TADA2A: variants seen among roughly 807,000 people sequenced by gnomAD.
TADA2A encodes transcriptional adaptor 2A, also known as transcriptional adapter 2-alpha.
Under a neutral mutation model 67.4 loss-of-function variants are expected in TADA2A, and 38 were observed. The observed-to-expected ratio is 0.56, with a 90% CI of 0.44 to 0.74. The LOEUF (loss-of-function observed/expected upper bound fraction) is 0.74. Ranked by LOEUF, TADA2A falls within the 30% of genes least tolerant of loss-of-function variation. TADA2A has a pLI of 0.00. For missense variants in TADA2A, 454 were observed against 547.0 expected (o/e 0.83, Z 1.70); for synonymous variants, 192 against 181.6 (o/e 1.06, Z -0.46).
chr17:37,422,484 T>TGATGATGATG (rs2052270998), intron 2 of TADA2A, among the ~76,000 whole-genome samples: 108 of 85,654 alleles, frequency 1.3e-3, no homozygotes, highest in African/African-American at 4.4e-3. Context: ...CCCAGCTGAT[T>TGATGATGATG]ATTATTATTA....
At position 37,437,789 on chromosome 17, in the gene TADA2A, G is replaced by A. The variant is rs758897797; in HGVS notation, c.244G>A (p.Ala82Thr). 1.9e-6 allele frequency: 3 copies of A among 1,614,174 alleles called. No individual in the cohort carries two copies. Among genetic ancestry groups the A allele is most frequent in the South Asian group, 2.2e-5 (2 of 91,084 alleles). ...DPSWTAQEEM[A>T]LLEAVMDCGF... ...CAGCTGGACTGCTCAAGAAGAAATGGCCCTTTTAGAAGCTGTGATGGACTG... is the reference window on the plus strand; with the variant it reads ...CAGCTGGACTGCTCAAGAAGAAATGACCCTTTTAGAAGCTGTGATGGACTG... The change falls in exon 5 of 16, where the codon GCC becomes ACC. Residue 82 changes from alanine (A) to threonine (T), a missense_variant. Around this residue, in one of 2 missense-constraint regions of TADA2A, gnomAD observed 403 missense variants for 455.5 expected, o/e 0.88. Transcript: ENST00000615182.
chr17:37,469,158 C>T lies in TADA2A; in HGVS notation c.896-1242C>T, dbSNP rs187763017. 9.3e-5 allele frequency among the ~76,000 whole-genome samples: 14 copies of T among 151,326 alleles called. No homozygotes were observed. The East Asian group carries it at 2.8e-3, about 30-fold the overall frequency. ...CTGACCTCAGGTGATCCACCCACCT[C>T]AGCCTCCCAAAGCGCTGGGATTACA... On this transcript the variant is annotated intron_variant, in intron 12 of 15. Transcript: ENST00000615182.
chr17:37,444,429 T>G (rs1422516794), intron 7 of TADA2A, among the ~76,000 whole-genome samples: 2 of 152,132 alleles, frequency 1.3e-5, no homozygotes, highest in Non-Finnish European at 2.9e-5. Flanking sequence ...TCAGACTAAT[T>G]TTAGTTTTTA....
chr17:37,423,630 C>A lies in TADA2A; in HGVS notation c.132+15C>A. Reference sequence around the variant, plus strand: ...TCTGCTTGCAGGTAACTCACTAATGCTGGCTTCTCCTAGCCTAGTTTTATG... The same window carrying A: ...TCTGCTTGCAGGTAACTCACTAATGATGGCTTCTCCTAGCCTAGTTTTATG... On this transcript the variant is annotated intron_variant, in intron 3 of 15. Coordinates refer to ENST00000615182, the MANE Select transcript of TADA2A (RefSeq NM_001166105.3). The A allele has an allele frequency of 6.3e-7, 1 of 1,579,558 alleles. No homozygotes were observed. Among genetic ancestry groups the A allele is most frequent in the Non-Finnish European group, 8.7e-7 (1 of 1,155,094 alleles).
At chr17:37,421,953 A>C (rs2052247019) in intron 2 of TADA2A, among the ~76,000 whole-genome samples, 1 of 145,562 alleles carries the variant, frequency 6.9e-6, no homozygotes, top group Non-Finnish European at 1.5e-5. Context: ...ATCTCGGATC[A>C]CTGCAACCTC....
At chr17:37,461,488 T>C (rs1216131202) in intron 9 of TADA2A, among the ~76,000 whole-genome samples, 1 of 152,254 alleles carries the variant, frequency 6.6e-6, no homozygotes, top group Non-Finnish European at 1.5e-5. Context: ...CACATAACTT[T>C]GCCTGGTTTA....
intron 11 of TADA2A, among the ~76,000 whole-genome samples, chr17:37,467,214 T>A (rs1418913129): frequency 6.6e-6 from 1 of 152,166 alleles, no homozygotes; most frequent in Non-Finnish European, 1.5e-5. Context: ...TTCACTAAGT[T>A]TTCTAGAAGA....
chr17:37,445,485 G>A (rs2053050612), intron 8 of TADA2A, among the ~76,000 whole-genome samples: 1 of 152,094 alleles, frequency 6.6e-6, no homozygotes, highest in East Asian at 1.9e-4. Context: ...AGGCTGGTCT[G>A]CAACTCCTAA....
At chr17:37,465,684 A>G (rs2053650658) in intron 11 of TADA2A, 143 bp downstream of exon 11, 1 of 1,465,858 alleles carries the variant, frequency 6.8e-7, no homozygotes, top group East Asian at 2.5e-5. Flanking sequence ...CATGAGACAA[A>G]TTTGGGACTA....
intron 2 of TADA2A, among the ~76,000 whole-genome samples, chr17:37,415,874 C>CAAAAA (rs35954525): frequency 1.9e-5 from 2 of 105,868 alleles, no homozygotes; most frequent in African/African-American, 3.5e-5. Context: ...AACTCCTTCT[C>CAAAAA]AAAAAAAAAA....
rs746853187 is a variant in TADA2A, at chr17:37,423,515, C to G, written c.32C>G (p.Pro11Arg). The stretch of plus-strand genomic sequence containing the variant: ...TGTTTTCTGTTTGTTCTAGATGATC[C>G]CTCTGATAAGCCACCTTGCCGAGGC... The part of the protein sequence containing the change: MDRLGSFSND[P>R]SDKPPCRGCS... The change falls in exon 3 of 16, where the codon CCC (proline) becomes CGC (arginine). Residue 11 changes from proline to arginine, a missense_variant. Pro to Arg is a moderately radical substitution (Grantham distance 103, BLOSUM62 -2). This residue lies in a region of TADA2A where 403 missense variants were observed against 455.5 expected (regional missense o/e 0.88). Coordinates refer to ENST00000615182, the MANE Select transcript of TADA2A (RefSeq NM_001166105.3). The G allele has an allele frequency of 3.1e-6, 5 of 1,609,656 alleles. No individual in the cohort carries two copies. The East Asian group carries it at 8.9e-5, about 29-fold the overall frequency.
intron 1 of TADA2A, among the ~76,000 whole-genome samples, chr17:37,410,530 A>AT (rs769278511): frequency 1.2e-4 from 18 of 152,018 alleles, no homozygotes; most frequent in Non-Finnish European, 2.2e-4. Flanking sequence ...AATAGATAGG[A>AT]TTTTTTGGTT....
intron 2 of TADA2A, among the ~76,000 whole-genome samples, chr17:37,421,831 T>TATTATGGAAAGTTTTAAACTTAA (rs145040794): frequency 6.9e-6 from 1 of 145,044 alleles, no homozygotes; most frequent in Non-Finnish European, 1.5e-5. Flanking sequence ...CCCAACTTTT[T>TATTATGGAAAGTTTTAAACTTAA]ATAGAAAAGT....
rs1465402757 is a variant in TADA2A, at chr17:37,422,185, A to G, written c.26-1324A>G. 1.4e-5 allele frequency among the ~76,000 whole-genome samples: 2 copies of G among 144,936 alleles called. 1 individual carries two copies. Among genetic ancestry groups the G allele is most frequent in the Non-Finnish European group, 3.1e-5 (2 of 65,134 alleles). Reference sequence around the variant, plus strand: ...CTCAGCCTCCTGAGTAGCTGGGATTACAGGTGTGCACCACCACACCTGGCT... The same window carrying G: ...CTCAGCCTCCTGAGTAGCTGGGATTGCAGGTGTGCACCACCACACCTGGCT... On this transcript the variant is annotated intron_variant, in intron 2 of 15. Coordinates refer to ENST00000615182, the MANE Select transcript of TADA2A (RefSeq NM_001166105.3).
At chr17:37,448,667 T>C (rs2053149528) in intron 8 of TADA2A, among the ~76,000 whole-genome samples, 1 of 152,298 alleles carries the variant, frequency 6.6e-6, no homozygotes, top group East Asian at 1.9e-4. Context: ...GATCCTAAAG[T>C]CCTGGTTGTA....
chr17:37,439,934 A>G (rs1030321588), intron 5 of TADA2A, among the ~76,000 whole-genome samples: 18 of 88,902 alleles, frequency 2.0e-4, no homozygotes, highest in Non-Finnish European at 3.4e-4. Context: ...TTATTTATTT[A>G]TTTATTTATT....
At chr17:37,475,130 G>C (rs2053866064) in intron 15 of TADA2A, among the ~76,000 whole-genome samples, 2 of 151,594 alleles carry the variant, frequency 1.3e-5, no homozygotes, top group African/African-American at 4.8e-5. Flanking sequence ...ATATAGTCAT[G>C]TTAATTTTGA....
intron 8 of TADA2A, among the ~76,000 whole-genome samples, chr17:37,453,414 C>T (rs1253566236): frequency 6.6e-6 from 1 of 152,152 alleles, no homozygotes; most frequent in Non-Finnish European, 1.5e-5. Flanking sequence ...TCTACCCTAA[C>T]ATCTACTTCC....
chr17:37,470,868 T>G (rs1466674431), intron 13 of TADA2A, among the ~76,000 whole-genome samples: 1 of 152,146 alleles, frequency 6.6e-6, no homozygotes, highest in Non-Finnish European at 1.5e-5. Context: ...GTTAGTGGTG[T>G]TCTAGATTAC....
Sources: gnomAD v4.1 joint callset for allele counts (sites outside exome capture counted in the v4.1 genomes callset) on GRCh38, gnomAD v4.1.1 for gene constraint, gnomAD v4.1.1 regional missense constraint, MANE v1.5 for transcripts, NCBI Gene and HGNC (gene_info 2026-07-23, HGNC 2026-07-21) for gene names.